Variants in PDE6B observed in about 807,000 individuals in gnomAD.
PDE6B encodes the protein phosphodiesterase 6B, also known as rod cGMP-specific 3',5'-cyclic phosphodiesterase subunit beta.
A neutral mutation model predicts 109.0 loss-of-function variants in PDE6B; 106 were observed. The observed-to-expected ratio is 0.97, with a 90% CI of 0.83 to 1.14. PDE6B has a LOEUF of 1.14. Ranked by LOEUF, PDE6B falls within the 50% of genes most tolerant of loss-of-function variation. The pLI is 0.00. For synonymous variants in PDE6B, 490 were observed against 471.3 expected, an observed-to-expected ratio of 1.04 and a Z score of -0.51; for missense variants, 1,193 against 1,155.6, an observed-to-expected ratio of 1.03 and a Z score of -0.47.
rs531341180 is a variant in PDE6B at position 653,529 on chromosome 4, C to G, written c.712-323C>G. ...TCGCCGCAGGTGGTTCTGGAGCAGCCGGGCGGAGGAAGGGCTGGTCGGATG... is the reference window on the plus strand; with the variant it reads ...TCGCCGCAGGTGGTTCTGGAGCAGCGGGGCGGAGGAAGGGCTGGTCGGATG... On this transcript the variant is annotated intron_variant, in intron 3 of 21. Coordinates refer to ENST00000496514, the MANE Select transcript of PDE6B (RefSeq NM_000283.4). 98 of 483,778 alleles carry G rather than the reference C, an allele frequency of 2.0e-4. 1 individual carries two copies. Among genetic ancestry groups the G allele is most frequent in the South Asian group, 1.4e-3 (66 of 48,860 alleles). The allele number at this position is 483,778 out of a possible 1,614,324, so 30.0% of individuals were successfully genotyped here. A position where few individuals can be genotyped will look rare whatever the true frequency, so the allele number is the denominator to read the frequency against.
chr4:654,552 G>A (rs950895130), intron 5 of PDE6B: 40 of 603,418 alleles, frequency 6.6e-5, no homozygotes, highest in East Asian at 5.9e-4. Context: ...AAACCGCGGC[G>A]TGTGATGCGT....
At chr4:658,021 G>A (rs1736546377) in intron 10 of PDE6B, among the ~76,000 whole-genome samples, 2 of 134,342 alleles carry the variant, frequency 1.5e-5, no homozygotes, top group Admixed American at 7.6e-5. Context: ...TGCGGTGGGG[G>A]CAGGTCATCC....
chr4:661,779 C>G, intron 12 of PDE6B: 1 of 349,392 alleles, frequency 2.9e-6, no homozygotes. Flanking sequence ...TCTGCTCATT[C>G]AAATGTCCAT....
chr4:667,622 C>T (rs899873098), intron 20 of PDE6B, among the ~76,000 whole-genome samples: 9 of 152,178 alleles, frequency 5.9e-5, no homozygotes, highest in Non-Finnish European at 1.0e-4. Context: ...CCTCTCCCTG[C>T]AACACTGCAC....
chr4:663,291 A>G lies in PDE6B; in HGVS notation c.1920+104A>G. On this transcript the variant is annotated intron_variant, in intron 15 of 21. Transcript: ENST00000496514. This position sits in a 1 kb window ranked among gnomAD's most constrained non-coding sequence, Gnocchi z 4.0. ...GAGCAGGGTTCTGATGCAGCGGGTG[A>G]GCACTGGGTGTGTGAGCACTGGGGG... The G allele has an allele frequency of 3.9e-6, 3 of 765,822 alleles. No individual in the cohort carries two copies. In the South Asian group the frequency reaches 4.2e-5, roughly 11 times the overall value. 47.4% of individuals were successfully genotyped at this position (765,822 alleles called of 1,614,324 possible).
Position 654,052 on chromosome 4 carries a change from G to A in PDE6B, c.853-28G>A, listed in dbSNP as rs373266543. Reference sequence around the variant, plus strand: ...GCCCGACCCAGGTCCCGCAGTGACCGCCCCACCCTCACCTCTTCTCTGCCC... The same window carrying A: ...GCCCGACCCAGGTCCCGCAGTGACCACCCCACCCTCACCTCTTCTCTGCCC... On this transcript the variant is annotated intron_variant, in intron 4 of 21. Transcript: ENST00000496514. The A allele has an allele frequency of 9.7e-5, 157 of 1,612,924 alleles. No homozygotes were observed. The African/African-American group carries it at 1.6e-3, about 16-fold the overall frequency.
intron 3 of PDE6B, among the ~76,000 whole-genome samples, chr4:649,332 T>A (rs948149367): frequency 4.6e-5 from 7 of 152,092 alleles, no homozygotes; most frequent in African/African-American, 1.7e-4. Context: ...TCTGAGAAGC[T>A]CACCATGAGA....
intron 11 of PDE6B, among the ~76,000 whole-genome samples, 167 bp from the exon 12 acceptor site, chr4:660,300 G>C (rs924101414): frequency 3.9e-5 from 6 of 152,202 alleles, no homozygotes; most frequent in Non-Finnish European, 5.9e-5. Context: ...AGCCAGGGGG[G>C]CGTGTGAGCA....
chr4:664,542 C>T (rs2109267406), intron 17 of PDE6B, among the ~76,000 whole-genome samples: 1 of 152,248 alleles, frequency 6.6e-6, no homozygotes, highest in African/African-American at 2.4e-5. Context: ...TCCCAGGGAC[C>T]CAGTGAGAAA....
In PDE6B at chr4:663,028, G is replaced by T. The variant is rs889874264; in HGVS notation, c.1833-72G>T. The stretch of plus-strand genomic sequence containing the variant: ...AAAAAAAAGAAAGTGGGGCCCATCT[G>T]GGGGGGCTGCAGAGCGCAGGGTGGG... On this transcript the variant is annotated intron_variant, in intron 14 of 21. Transcript: ENST00000496514. The surrounding 1 kb of genome is among the most constrained non-coding windows in gnomAD (Gnocchi z 4.0). 8 of 864,520 alleles carry T rather than the reference G, an allele frequency of 9.3e-6. No individual in the cohort carries two copies. The highest frequency in any genetic ancestry group is 2.6e-5 in the South Asian group (2 of 76,094). The allele number at this position is 864,520 out of a possible 1,614,324, so 53.6% of individuals were successfully genotyped here.
Position 663,671 on chromosome 4 carries a change from CG to C in PDE6B, c.1921-98del. On this transcript the variant is annotated intron_variant, in intron 15 of 21. Coordinates refer to ENST00000496514, the MANE Select transcript of PDE6B (RefSeq NM_000283.4). The surrounding 1 kb of genome is among the most constrained non-coding windows in gnomAD (Gnocchi z 4.0). Reference sequence around the variant, plus strand: ...CCCACCGAGGGCCCGAGGGCGGGGGCGTGAGAGGCACAGGCAGCCGAGGCGG... The same window carrying C: ...CCCACCGAGGGCCCGAGGGCGGGGGCTGAGAGGCACAGGCAGCCGAGGCGG... 1.2e-6 allele frequency: 1 copy of C among 837,682 alleles called. No homozygotes were observed. The highest frequency in any genetic ancestry group is 2.0e-6 in the Non-Finnish European group (1 of 491,654). The allele number at this position is 837,682 out of a possible 1,614,324, so 51.9% of individuals were successfully genotyped here.
Position 625,693 on chromosome 4 carries a change from T to C in PDE6B, c.67T>C (p.Phe23Leu). 2 of 1,613,964 alleles carry C rather than the reference T, an allele frequency of 1.2e-6. No homozygotes were observed. The highest frequency in any genetic ancestry group is 2.2e-5 in the East Asian group (1 of 44,876). Residue 23 changes from phenylalanine (F) to leucine (L), a missense_variant, in exon 1 of 22, where the codon TTT becomes CTT. Phe to Leu is a conservative substitution (Grantham distance 22). Coordinates refer to ENST00000496514, the MANE Select transcript of PDE6B (RefSeq NM_000283.4). This position sits in a 1 kb window ranked among gnomAD's most constrained non-coding sequence, Gnocchi z 5.0. ...DQNPDFARQY[F>L]GKKLSPENVA... ...GAACCCCGATTTTGCCCGCCAGTAC[T>C]TTGGGAAGAAACTGAGCCCTGAGAA...
At chr4:651,135 C>T (rs201060741) in intron 3 of PDE6B, among the ~76,000 whole-genome samples, 32 of 143,720 alleles carry the variant, frequency 2.2e-4, no homozygotes, top group East Asian at 1.9e-3. Context: ...GCAGTGGGGC[C>T]GTCACAGGCA....
intron 20 of PDE6B, among the ~76,000 whole-genome samples, chr4:667,426 CG>C (rs970198768): frequency 9.2e-5 from 14 of 152,274 alleles, no homozygotes; most frequent in African/African-American, 3.4e-4. Context: ...TTCCCCACCC[CG>C]CCACACTCCA....
intron 5 of PDE6B, chr4:654,514 G>A (rs906896831): frequency 1.2e-5 from 7 of 591,594 alleles, no homozygotes; most frequent in East Asian, 2.9e-5. Context: ...GTGGGATTGT[G>A]CGGAACACAG....
At position 665,327 on chromosome 4, in the gene PDE6B, A is replaced by C. The variant is rs772361551; in HGVS notation, c.2266A>C (p.Ile756Leu). The C allele has an allele frequency of 6.2e-7, 1 of 1,603,450 alleles. No homozygotes were observed. Among genetic ancestry groups the C allele is most frequent in the Non-Finnish European group, 8.5e-7 (1 of 1,171,198 alleles). ...LERTVLDQQP[I>L]PMMDRNKAAE... Reference sequence around the variant, plus strand: ...AAGGACAGTCTTGGATCAGCAGCCCATTGTGAGTGCTGCTTCTGGAACCTT... The same window carrying C: ...AAGGACAGTCTTGGATCAGCAGCCCCTTGTGAGTGCTGCTTCTGGAACCTT... The change falls in exon 19 of 22, where the codon ATT becomes CTT. Residue 756 changes from isoleucine (I) to leucine (L), a missense_variant and splice_region_variant. Ile to Leu is a conservative substitution (Grantham distance 5). Coordinates refer to ENST00000496514, the MANE Select transcript of PDE6B (RefSeq NM_000283.4). This position sits in a 1 kb window ranked among gnomAD's most constrained non-coding sequence, Gnocchi z 4.0.
rs934172185 is a variant in PDE6B at position 664,226 on chromosome 4, G to C, written c.2129+5G>C. ...GACCCGGAAGGAGATCGTCATGTGAGCGCGGGCGGAGGGGGCACGAGGGGT... is the reference window on the plus strand; with the variant it reads ...GACCCGGAAGGAGATCGTCATGTGACCGCGGGCGGAGGGGGCACGAGGGGT... On this transcript the variant is annotated splice_donor_5th_base_variant and intron_variant, in intron 17 of 21. Coordinates refer to ENST00000496514, the MANE Select transcript of PDE6B (RefSeq NM_000283.4). The C allele has an allele frequency of 6.5e-7, 1 of 1,546,284 alleles. No homozygotes were observed. Among genetic ancestry groups the C allele is most frequent in the Non-Finnish European group, 8.9e-7 (1 of 1,118,850 alleles).
chr4:654,804 C>G lies in PDE6B; in HGVS notation c.928-20C>G, dbSNP rs1292063410. The G allele has an allele frequency of 7.3e-7, 1 of 1,361,856 alleles. No homozygotes were observed. The highest frequency in any genetic ancestry group is 1.4e-5 in the African/African-American group (1 of 70,522). The allele number at this position is 1,361,856 out of a possible 1,614,324, so 84.4% of individuals were successfully genotyped here. ...GAGCTTGGCCAGGCAGCCCCCCGAC[C>G]AGTGTCTTCTGCTTCTCAGGAAATT... On this transcript the variant is annotated intron_variant, in intron 5 of 21. Transcript: ENST00000496514.
chr4:634,262 G>A (rs773789773), intron 1 of PDE6B, among the ~76,000 whole-genome samples: 1 of 152,178 alleles, frequency 6.6e-6, no homozygotes, highest in African/African-American at 2.4e-5. Context: ...GAGTGTAGGA[G>A]TGTCCTGCAG....
Sources: allele counts gnomAD v4.1 joint callset (sites outside exome capture counted in the v4.1 genomes callset), GRCh38; gene constraint gnomAD v4.1.1; non-coding constraint Gnocchi (gnomAD v3.1); transcripts MANE v1.5; gene names NCBI Gene and HGNC (gene_info 2026-07-23, HGNC 2026-07-21).